Variants in CUL5 observed in about 807,000 individuals in gnomAD.
The protein encoded by CUL5 is cullin-5.
A neutral mutation model predicts 108.8 loss-of-function variants in CUL5; 26 were observed. The ratio of observed to expected loss-of-function variants is 0.24; its 90% CI spans 0.18 to 0.33. CUL5 has a LOEUF of 0.33. CUL5 is among the 10% of genes least tolerant of loss of function. The probability of loss-of-function intolerance (pLI) is 1.00; values close to 1 mark genes in which losing one functional copy is unlikely to be tolerated. For missense variants in CUL5, 524 were observed against 909.2 expected, an observed-to-expected ratio of 0.58 and a Z score of 5.45; for synonymous variants, 334 against 298.0, an observed-to-expected ratio of 1.12 and a Z score of -1.25.
chr11:108,034,511 C>T (rs1295634853), intron 2 of CUL5, among the ~76,000 whole-genome samples: 1 of 152,100 alleles, frequency 6.6e-6, no homozygotes, highest in African/African-American at 2.4e-5. Flanking sequence ...GCAGGCATTT[C>T]TAGGGGATGC....
Position 108,106,551 on chromosome 11 carries a change from T to A in CUL5, c.*2167T>A, listed in dbSNP as rs1013974030. 6 of 151,672 alleles carry A rather than the reference T, an allele frequency of 4.0e-5. No individual in the cohort carries two copies. Among genetic ancestry groups the A allele is most frequent in the Non-Finnish European group, 7.4e-5 (5 of 67,746 alleles). The allele number at this position is 151,672 out of a possible 1,614,324, so 9.4% of individuals were successfully genotyped here. Reference sequence around the variant, plus strand: ...ATGTACAGTTTTCTTTTTTTTTTTTTTTTGGTTATGTATACAAAAGTTTTA... The same window carrying A: ...ATGTACAGTTTTCTTTTTTTTTTTTATTTGGTTATGTATACAAAAGTTTTA... On this transcript the variant is annotated 3_prime_UTR_variant, in exon 19 of 19. Transcript: ENST00000393094.
chr11:108,052,452 G>A (rs907046779), intron 4 of CUL5, among the ~76,000 whole-genome samples: 1 of 152,034 alleles, frequency 6.6e-6, no homozygotes, highest in Non-Finnish European at 1.5e-5. Context: ...TGTAGAGACA[G>A]GATTTTGCCC....
intron 3 of CUL5, among the ~76,000 whole-genome samples, chr11:108,048,792 G>A (rs1250831081): frequency 6.6e-6 from 1 of 150,922 alleles, no homozygotes; most frequent in Non-Finnish European, 1.5e-5. Context: ...TCAGCCTCCC[G>A]AGCAGCTGAG....
chr11:108,050,086 T>C lies in CUL5; in HGVS notation c.411+20T>C. ...CGAAAGGTAAGACTATTTTTCTCCTTGTTTTCCTAATATTCTTCAGAAAGA... is the reference window on the plus strand; with the variant it reads ...CGAAAGGTAAGACTATTTTTCTCCTCGTTTTCCTAATATTCTTCAGAAAGA... On this transcript the variant is annotated intron_variant, in intron 4 of 18. Transcript: ENST00000393094. 2.6e-6 allele frequency: 4 copies of C among 1,555,964 alleles called. No homozygotes were observed. Among genetic ancestry groups the C allele is most frequent in the Non-Finnish European group, 1.7e-6 (2 of 1,150,280 alleles).
At chr11:108,031,897 TC>T (rs1862593936) in intron 1 of CUL5, among the ~76,000 whole-genome samples, 1 of 152,198 alleles carries the variant, frequency 6.6e-6, no homozygotes. Flanking sequence ...GAGGCCATTT[TC>T]CTTAGCAAAC....
intron 7 of CUL5, among the ~76,000 whole-genome samples, chr11:108,066,972 A>G (rs1863700100): frequency 6.6e-6 from 1 of 152,230 alleles, no homozygotes; most frequent in Non-Finnish European, 1.5e-5. Flanking sequence ...CACGTAACTC[A>G]GTTCTGAGCA....
intron 1 of CUL5, among the ~76,000 whole-genome samples, chr11:108,027,223 C>T (rs1037232966): frequency 4.0e-5 from 6 of 151,206 alleles, no homozygotes; most frequent in African/African-American, 1.2e-4. Context: ...CTGCAACCTC[C>T]GCCTCCAGGC....
chr11:108,090,344 C>T (rs996856386), intron 13 of CUL5, among the ~76,000 whole-genome samples: 4 of 151,414 alleles, frequency 2.6e-5, no homozygotes, highest in Non-Finnish European at 4.4e-5. Flanking sequence ...AAAAAATTAA[C>T]GAGGCGTGGT....
At chr11:108,065,219 G>A (rs1863643989) in intron 7 of CUL5, among the ~76,000 whole-genome samples, 1 of 151,952 alleles carries the variant, frequency 6.6e-6, no homozygotes. Context: ...TAGAGATGGG[G>A]TTTCACCATG....
At chr11:108,042,044 TAGAG>T (rs1191106156) in intron 2 of CUL5, among the ~76,000 whole-genome samples, 4 of 152,104 alleles carry the variant, frequency 2.6e-5, no homozygotes, top group Non-Finnish European at 5.9e-5. Context: ...ACGTCCACAT[TAGAG>T]AGACATTTGC....
intron 1 of CUL5, among the ~76,000 whole-genome samples, chr11:108,012,431 C>A (rs532958450): frequency 2.0e-5 from 3 of 151,704 alleles, no homozygotes; most frequent in African/African-American, 7.3e-5. Flanking sequence ...ATGTTCTTCT[C>A]TGTTCCATGC....
rs1213868292 is a variant in CUL5 at position 108,107,582 on chromosome 11, G to A, written c.*3198G>A. 1 of 152,534 alleles carries A rather than the reference G, an allele frequency of 6.6e-6. No individual in the cohort carries two copies. The highest frequency in any genetic ancestry group is 1.5e-5 in the Non-Finnish European group (1 of 68,012). 9.4% of individuals were successfully genotyped at this position (152,534 alleles called of 1,614,324 possible). A position where few individuals can be genotyped will look rare whatever the true frequency, so the allele number is the denominator to read the frequency against. On this transcript the variant is annotated 3_prime_UTR_variant, in exon 19 of 19. Transcript: ENST00000393094. The stretch of plus-strand genomic sequence containing the variant: ...TCTAAGTTGTAATCTATCCTCATAT[G>A]GTCTATACGATTTTGAATGTGTGCC...
chr11:108,099,906 ATTT>A (rs1264462296), intron 18 of CUL5, among the ~76,000 whole-genome samples: 1 of 146,858 alleles, frequency 6.8e-6, no homozygotes, highest in Non-Finnish European at 1.5e-5. Flanking sequence ...CAAAAAAAAA[ATTT>A]TTTTTTTTTT....
At chr11:108,081,299 C>CAAG (rs1163981812) in intron 11 of CUL5, among the ~76,000 whole-genome samples, 6 of 151,986 alleles carry the variant, frequency 3.9e-5, no homozygotes, top group African/African-American at 1.4e-4. Flanking sequence ...ACAACAACAA[C>CAAG]AAGAAAGAGT....
At chr11:108,031,517 G>A (rs1315085367) in intron 1 of CUL5, among the ~76,000 whole-genome samples, 2 of 152,170 alleles carry the variant, frequency 1.3e-5, no homozygotes, top group East Asian at 1.9e-4. Flanking sequence ...CATATGGCTA[G>A]CCAGTTATCC....
intron 1 of CUL5, among the ~76,000 whole-genome samples, chr11:108,016,239 T>C (rs1862185842): frequency 6.6e-6 from 1 of 151,574 alleles, no homozygotes; most frequent in Non-Finnish European, 1.5e-5. Context: ...TCTTTTCTCT[T>C]CTCTTCTCTT....
intron 3 of CUL5, among the ~76,000 whole-genome samples, chr11:108,048,114 A>G (rs1197102718): frequency 2.0e-5 from 3 of 151,976 alleles, no homozygotes; most frequent in Non-Finnish European, 4.4e-5. Flanking sequence ...TAAACGCTTA[A>G]GAAATTTTTT....
chr11:108,061,793 A>C (rs1296373213), intron 7 of CUL5, among the ~76,000 whole-genome samples: 1 of 152,208 alleles, frequency 6.6e-6, no homozygotes, highest in Non-Finnish European at 1.5e-5. Flanking sequence ...TAAAGGAAAG[A>C]GGTTTAGTTG....
At chr11:108,092,300 A>C (rs1864381522) in intron 13 of CUL5, among the ~76,000 whole-genome samples, 1 of 152,220 alleles carries the variant, frequency 6.6e-6, no homozygotes, top group South Asian at 2.1e-4. Context: ...ACTGTTGGGC[A>C]GTTCCTTAAA....
Sources: allele counts gnomAD v4.1 joint callset (sites outside exome capture counted in the v4.1 genomes callset), GRCh38; gene constraint gnomAD v4.1.1; transcripts MANE v1.5; gene names NCBI Gene and HGNC (gene_info 2026-07-23, HGNC 2026-07-21).